The following HTR3E variants were observed in gnomAD, a reference collection of about 807,000 sequenced individuals.
HTR3E encodes 5-hydroxytryptamine receptor 3E.
A neutral mutation model predicts 38.0 loss-of-function variants in HTR3E; 38 were observed. That is an observed-to-expected ratio of 1.00 (90% confidence interval 0.77 to 1.31). The LOEUF is 1.31. Ranked by LOEUF, HTR3E falls within the 50% of genes most tolerant of loss-of-function variation. The probability of loss-of-function intolerance (pLI) is 0.00; values close to 1 mark genes in which losing one functional copy is unlikely to be tolerated. For missense variants in HTR3E, 547 were observed against 585.2 expected (o/e 0.93, Z 0.67); for synonymous variants, 210 against 232.9 (o/e 0.90, Z 0.89).
At chr3:184,100,855 T>C (rs1711994748) in intron 2 of HTR3E, among the ~76,000 whole-genome samples, 1 of 152,192 alleles carries the variant, frequency 6.6e-6, no homozygotes, top group Non-Finnish European at 1.5e-5. Flanking sequence ...TCTTTTCTTC[T>C]CTCTCTGGCT....
chr3:184,098,053 A>G (rs1000294597), intron 1 of HTR3E, among the ~76,000 whole-genome samples: 1 of 152,010 alleles, frequency 6.6e-6, no homozygotes, highest in Non-Finnish European at 1.5e-5. Context: ...CAAAGTGCCC[A>G]CCTCCTTTAG....
chr3:184,103,943 T>C (rs1353201417), intron 3 of HTR3E, among the ~76,000 whole-genome samples: 1 of 152,120 alleles, frequency 6.6e-6, no homozygotes, highest in African/African-American at 2.4e-5. Context: ...CGCTGGCTGA[T>C]CAAAATTTAT....
chr3:184,104,390 T>G, intron 4 of HTR3E, 99 bp downstream of exon 4: 1 of 1,512,728 alleles, frequency 6.6e-7, no homozygotes, highest in Non-Finnish European at 8.8e-7. Context: ...TTTAGATGGC[T>G]AAGAAACAAC....
chr3:184,101,069 A>G (rs62285844), intron 2 of HTR3E, among the ~76,000 whole-genome samples: 45,787 of 151,872 alleles, frequency 0.3, 6,863 homozygotes, highest in Middle Eastern at 0.41. Flanking sequence ...TCAGCCTCCC[A>G]AGTAGCTGGG....
At chr3:184,105,129 C>A in intron 5 of HTR3E, 138 bp from the exon 6 acceptor site, 1 of 1,184,886 alleles carries the variant, frequency 8.4e-7, no homozygotes, top group Non-Finnish European at 1.2e-6. Flanking sequence ...TCCTTACCAT[C>A]CCAAGCTCCT....
rs754645265 is a variant in HTR3E at position 184,106,147 on chromosome 3, C to A, written c.945C>A (p.Cys315Ter). 8 of 1,613,146 alleles carry A rather than the reference C, an allele frequency of 5.0e-6. No individual in the cohort carries two copies. In the East Asian group the frequency reaches 1.6e-4, roughly 31 times the overall value. Residue 315 changes from cysteine to a stop codon, truncating the protein, a stop_gained, in exon 8 of 9, where the codon TGC becomes TGA. Transcript: ENST00000415389. LOFTEE classifies it high-confidence loss of function. The surrounding 1 kb of genome is among the most constrained non-coding windows in gnomAD (Gnocchi z 4.1). ...CTCCAGGTGTCTACTTCGCCCTGTG[C>A]CTGTCCCTGATGGTGGGCAGCCTGC... The part of the protein sequence containing the change: ...TPLIGVYFAL[C>*]LSLMVGSLLE...
chr3:184,106,134 A>G lies in HTR3E; in HGVS notation c.932A>G (p.Tyr311Cys), dbSNP rs1267264782. Residue 311 changes from tyrosine to cysteine, a missense_variant, in exon 8 of 9, where the codon TAC becomes TGC. Tyr to Cys is a radical substitution (Grantham distance 194). Transcript: ENST00000415389. The surrounding 1 kb of genome is among the most constrained non-coding windows in gnomAD (Gnocchi z 4.1). ...AGGCCCCCCTTCCCTCCAGGTGTCT[A>G]CTTCGCCCTGTGCCTGTCCCTGATG... is the stretch of plus-strand genomic sequence containing the variant. ...PTSGTPLIGV[Y>C]FALCLSLMVG... The G allele has an allele frequency of 2.0e-5, 32 of 1,612,984 alleles. No homozygotes were observed. The highest frequency in any genetic ancestry group is 2.7e-5 in the Non-Finnish European group (32 of 1,179,944).
rs1206598769 is a variant in HTR3E, at chr3:184,100,526, C to T, written c.109C>T (p.Gln37Ter). Reference protein sequence around the residue: ...TFTINCSGFGQHGADPTALNS... With the variant: ...TFTINCSGFG ...CACCATCAATTGCTCAGGGTTTGGC[C>T]AGCACGGGGCGGATCCCACTGCTCT... The change falls in exon 2 of 9, where the codon CAG becomes TAG. Residue 37 changes from glutamine (Q) to a stop codon, truncating the protein, a stop_gained. Transcript: ENST00000415389. LOFTEE classifies it high-confidence loss of function. 3 of 1,614,028 alleles carry T rather than the reference C, an allele frequency of 1.9e-6. No homozygotes were observed. In the East Asian group the frequency reaches 6.7e-5, roughly 36 times the overall value.
intron 1 of HTR3E, 73 bp downstream of exon 1, chr3:184,097,669 T>C: frequency 8.6e-7 from 1 of 1,157,164 alleles, no homozygotes; most frequent in Non-Finnish European, 1.2e-6. Flanking sequence ...TAGGAACTTT[T>C]TTCAAATTTC....
intron 6 of HTR3E, 139 bp from the exon 7 acceptor site, chr3:184,105,626 C>A: frequency 1.1e-6 from 1 of 921,054 alleles, no homozygotes; most frequent in South Asian, 1.6e-5. Context: ...GATTCTAAAG[C>A]TGCATTCCCC....
chr3:184,106,107 C>T lies in HTR3E; in HGVS notation c.926-21C>T, dbSNP rs1459209306. On this transcript the variant is annotated intron_variant, in intron 7 of 8. Transcript: ENST00000415389. This position sits in a 1 kb window ranked among gnomAD's most constrained non-coding sequence, Gnocchi z 4.1. ...TTCTAGGTGGTGCCTCTGGCCCTCA[C>T]TAGGCCCCCCTTCCCTCCAGGTGTC... is the stretch of plus-strand genomic sequence containing the variant. The T allele has an allele frequency of 1.9e-6, 3 of 1,613,526 alleles. No individual in the cohort carries two copies. The highest frequency in any genetic ancestry group is 2.5e-6 in the Non-Finnish European group (3 of 1,179,792).
At chr3:184,105,587 C>G (rs56137724) in intron 6 of HTR3E, among the ~76,000 whole-genome samples, 160 bp downstream of exon 6, 3,301 of 152,300 alleles carry the variant, frequency 0.022, 69 homozygotes, top group Middle Eastern at 0.041. Context: ...GGGCTCTGGC[C>G]TAACTGTCTC....
At position 184,105,381 on chromosome 3, in the gene HTR3E, C is replaced by G; in HGVS notation, c.674C>G (p.Ala225Gly). The G allele has an allele frequency of 6.2e-7, 1 of 1,614,156 alleles. No homozygotes were observed. Among genetic ancestry groups the G allele is most frequent in the Non-Finnish European group, 8.5e-7 (1 of 1,180,016 alleles). Residue 225 changes from alanine to glycine, a missense_variant, in exon 6 of 9, where the codon GCA becomes GGA. Ala to Gly is a moderately conservative substitution (Grantham distance 60, BLOSUM62 0). Coordinates refer to ENST00000415389, the MANE Select transcript of HTR3E (RefSeq NM_001256613.2). ...WELLGLSKAT[A>G]KLSRGGNLYD... ...CTCCTGGGCCTCAGCAAGGCCACCG[C>G]AAAGTTGTCCAGGGGAGGCAACCTG... is the stretch of plus-strand genomic sequence containing the variant.
In HTR3E at chr3:184,106,501, G is replaced by A. The variant is rs376996862; in HGVS notation, c.1179G>A (p.Pro393=). 123 of 1,609,096 alleles carry A rather than the reference G, an allele frequency of 7.6e-5. No individual in the cohort carries two copies. The highest frequency in any genetic ancestry group is 6.9e-4 in the Admixed American group (41 of 59,690). ...KEPEVSAGQM[P]GPAEAELTGG... The stretch of plus-strand genomic sequence containing the variant: ...CAGAGGTATCAGCAGGGCAGATGCC[G>A]GGCCCTGCGGAGGCAGAGCTGACAG... The change falls in exon 9 of 9, where the codon CCG becomes CCA. Residue 393 remains proline (P), a synonymous_variant. Transcript: ENST00000415389. This position sits in a 1 kb window ranked among gnomAD's most constrained non-coding sequence, Gnocchi z 4.1.
intron 1 of HTR3E, chr3:184,100,033 C>T (rs1161362023): frequency 1.1e-6 from 1 of 924,928 alleles, no homozygotes; most frequent in Non-Finnish European, 1.3e-6. Context: ...CATTAGCTTC[C>T]AGAATTTGCA....
In HTR3E at chr3:184,106,071, A is replaced by G; in HGVS notation, c.926-57A>G. ...CGTATGCCTGCCAGGGTGGGATTGG[A>G]AGAGAAGAAATTCTAGGTGGTGCCT... On this transcript the variant is annotated intron_variant, in intron 7 of 8. Coordinates refer to ENST00000415389, the MANE Select transcript of HTR3E (RefSeq NM_001256613.2). This position sits in a 1 kb window ranked among gnomAD's most constrained non-coding sequence, Gnocchi z 4.1. 6.6e-7 allele frequency: 1 copy of G among 1,518,820 alleles called. No individual in the cohort carries two copies. Among genetic ancestry groups the G allele is most frequent in the Non-Finnish European group, 9.1e-7 (1 of 1,102,074 alleles). The allele number at this position is 1,518,820 out of a possible 1,614,324, so 94.1% of individuals were successfully genotyped here.
intron 4 of HTR3E, chr3:184,104,525 G>T: frequency 1.9e-6 from 1 of 523,846 alleles, no homozygotes; most frequent in Non-Finnish European, 3.1e-6. Flanking sequence ...GGGCAACATG[G>T]TGAAACCTCA....
chr3:184,105,192 G>A, intron 5 of HTR3E, 75 bp from the exon 6 acceptor site: 1 of 1,464,738 alleles, frequency 6.8e-7, no homozygotes, highest in Non-Finnish European at 9.2e-7. Context: ...TGAAAGAAAG[G>A]ATGGAAAAAG....
intron 3 of HTR3E, among the ~76,000 whole-genome samples, chr3:184,102,629 TAA>T (rs992607621): frequency 8.3e-6 from 1 of 121,066 alleles, no homozygotes; most frequent in Admixed American, 8.4e-5. Context: ...TTAAAGTATA[TAA>T]AAAAAAAAAA....
Sources: allele counts gnomAD v4.1 joint callset (sites outside exome capture counted in the v4.1 genomes callset), GRCh38; gene constraint gnomAD v4.1.1; non-coding constraint Gnocchi (gnomAD v3.1); transcripts MANE v1.5; gene names NCBI Gene and HGNC (gene_info 2026-07-23, HGNC 2026-07-21).